The following GPC3 variants were observed in gnomAD, a reference collection of about 807,000 sequenced individuals.
The protein encoded by GPC3 is glypican-3.
GPC3 carries 3 observed loss-of-function variants against 34.4 expected under a neutral mutation model. That is an observed-to-expected ratio of 0.09 (90% confidence interval 0.04 to 0.23). GPC3 has a LOEUF of 0.23. GPC3 is among the 10% of genes least tolerant of loss of function. The pLI is 1.00. For synonymous variants in GPC3, 177 were observed against 174.0 expected, an observed-to-expected ratio of 1.02 and a Z score of -0.13; for missense variants, 351 against 445.6, an observed-to-expected ratio of 0.79 and a Z score of 1.91.
At chrX:133,687,700 A>G (rs1397046173) in intron 5 of GPC3, among the ~76,000 whole-genome samples, 1 of 111,442 alleles carries the variant, frequency 9.0e-6, no homozygotes, top group African/African-American at 3.3e-5. Flanking sequence ...TGCTGGGATT[A>G]CAGGCGTGAG....
At chrX:133,570,332 G>A (rs2069617008) in intron 7 of GPC3, among the ~76,000 whole-genome samples, 1 of 111,469 alleles carries the variant, frequency 9.0e-6, no homozygotes, top group Non-Finnish European at 1.9e-5. Flanking sequence ...CTCCCGAGTA[G>A]CTGAGATTAC....
chrX:133,581,812 G>A (rs928270319), intron 7 of GPC3, among the ~76,000 whole-genome samples: 1 of 112,453 alleles, frequency 8.9e-6, no homozygotes. Context: ...CACTCCATCA[G>A]TGATAGGAGC....
intron 2 of GPC3, among the ~76,000 whole-genome samples, chrX:133,801,055 C>A (rs924519842): frequency 2.7e-5 from 3 of 111,876 alleles, no homozygotes; most frequent in African/African-American, 9.7e-5. Context: ...AAAAATCCCA[C>A]CCCCAGTAAA....
intron 2 of GPC3, among the ~76,000 whole-genome samples, chrX:133,772,510 C>T (rs1333844339): frequency 9.0e-6 from 1 of 111,031 alleles, no homozygotes; most frequent in Non-Finnish European, 1.9e-5. Context: ...TCGTCATACC[C>T]CACCCCCTAA....
chrX:133,962,715 G>A (rs891805500), intron 1 of GPC3, among the ~76,000 whole-genome samples: 1 of 111,512 alleles, frequency 9.0e-6, no homozygotes, highest in African/African-American at 3.3e-5. Flanking sequence ...CAGATAAGTA[G>A]CTGAGACCCT....
intron 2 of GPC3, among the ~76,000 whole-genome samples, chrX:133,788,802 A>T (rs1388616594): frequency 1.0e-5 from 1 of 98,776 alleles, no homozygotes; most frequent in East Asian, 3.3e-4. Flanking sequence ...TTTTCTTCAG[A>T]ATATTACCAC....
At chrX:133,651,171 T>C (rs2070597626) in intron 6 of GPC3, among the ~76,000 whole-genome samples, 1 of 110,134 alleles carries the variant, frequency 9.1e-6, no homozygotes, top group Non-Finnish European at 1.9e-5. Context: ...GTGGAGAGTA[T>C]TTTTCTTTTT....
intron 7 of GPC3, among the ~76,000 whole-genome samples, chrX:133,548,117 A>G: frequency 8.9e-6 from 1 of 112,555 alleles, no homozygotes; most frequent in Non-Finnish European, 1.9e-5. Context: ...AAGTTATTTA[A>G]TCATTTAGAT....
intron 2 of GPC3, among the ~76,000 whole-genome samples, chrX:133,799,391 CA>C (rs1338084372): frequency 2.7e-5 from 3 of 109,993 alleles, no homozygotes; most frequent in Non-Finnish European, 3.8e-5. Context: ...GACCCTGTCT[CA>C]AAAAAAAGTC....
chrX:133,917,710 T>A (rs2076230977), intron 2 of GPC3, among the ~76,000 whole-genome samples: 1 of 112,011 alleles, frequency 8.9e-6, no homozygotes, highest in Non-Finnish European at 1.9e-5. Flanking sequence ...GGGAAGATAT[T>A]TTTTTAAAAA....
At chrX:133,978,400 G>C (rs1272365256) in intron 1 of GPC3, among the ~76,000 whole-genome samples, 4 of 112,158 alleles carry the variant, frequency 3.6e-5, no homozygotes, top group Non-Finnish European at 5.6e-5. Context: ...GTGAAGATAA[G>C]CATATGCATT....
At chrX:133,674,819 C>T (rs1416124144) in intron 5 of GPC3, among the ~76,000 whole-genome samples, 1 of 111,728 alleles carries the variant, frequency 9.0e-6, no homozygotes, top group Admixed American at 9.5e-5. Context: ...AAAATGCCCA[C>T]ACGCTTTTTC....
chrX:133,906,871 G>A (rs1426222088), intron 2 of GPC3, among the ~76,000 whole-genome samples: 2 of 111,976 alleles, frequency 1.8e-5, no homozygotes, highest in East Asian at 5.6e-4. Flanking sequence ...CAGGTCAGGA[G>A]ATCGAGACCA....
intron 6 of GPC3, among the ~76,000 whole-genome samples, chrX:133,655,890 T>C (rs1205327285): frequency 8.9e-6 from 1 of 112,349 alleles, no homozygotes; most frequent in East Asian, 2.8e-4. Context: ...AATTAACTTA[T>C]TAAAAAATTT....
chrX:133,975,426 A>C (rs142609486), intron 1 of GPC3, among the ~76,000 whole-genome samples: 5,176 of 111,688 alleles, frequency 0.046, 117 homozygotes, highest in East Asian at 0.1. Context: ...CTTTACATGA[A>C]AGCCCCCTCT....
intron 2 of GPC3, among the ~76,000 whole-genome samples, chrX:133,796,637 C>A (rs1169064038): frequency 2.7e-5 from 3 of 112,280 alleles, no homozygotes; most frequent in Non-Finnish European, 5.6e-5. Flanking sequence ...GCCTCAATTA[C>A]TTGGGGACTC....
intron 2 of GPC3, among the ~76,000 whole-genome samples, chrX:133,930,031 G>GA (rs1477334551): frequency 9.0e-6 from 1 of 111,688 alleles, no homozygotes; most frequent in Non-Finnish European, 1.9e-5. Flanking sequence ...AGCATTCCAT[G>GA]AAAAAAAGGT....
intron 5 of GPC3, among the ~76,000 whole-genome samples, chrX:133,675,961 A>C (rs1408941648): frequency 1.8e-5 from 2 of 112,435 alleles, no homozygotes; most frequent in African/African-American, 6.5e-5. Context: ...ACCAGCATTT[A>C]GTTTCTGCCT....
rs918038563 is a variant in GPC3, at chrX:133,648,308, C to T, written c.1413+13422G>A. On this transcript the variant is annotated intron_variant, in intron 6 of 7. Transcript: ENST00000370818. ...TTTTTATTTGTAGCTCATCAGTTATCGTTAGTGTTAGTGTATTTTATGTGT... is the reference window on the plus strand; with the variant it reads ...TTTTTATTTGTAGCTCATCAGTTATTGTTAGTGTTAGTGTATTTTATGTGT... Among the ~76,000 whole-genome samples, 14 of 102,273 alleles carry T rather than the reference C, an allele frequency of 1.4e-4. 1 individual carries two copies. The Middle Eastern group carries it at 0.021, about 154-fold the overall frequency. 88.8% of individuals were successfully genotyped at this position (102,273 alleles called of 115,157 possible).
Sources: gnomAD v4.1 joint callset for allele counts (sites outside exome capture counted in the v4.1 genomes callset) on GRCh38, gnomAD v4.1.1 for gene constraint, MANE v1.5 for transcripts, NCBI Gene and HGNC (gene_info 2026-07-23, HGNC 2026-07-21) for gene names.